Variants in ZNF454 observed in about 807,000 individuals in gnomAD.
The protein encoded by ZNF454 is zinc finger protein 454.
Under a neutral mutation model 48.2 loss-of-function variants are expected in ZNF454, and 30 were observed. The observed-to-expected ratio is 0.62, with a 90% confidence interval of 0.47 to 0.84. ZNF454 has a LOEUF of 0.84. Among genes scored for constraint, ZNF454 ranks in the 40% least tolerant of loss-of-function variants. ZNF454 has a pLI of 0.00. For missense variants in ZNF454, 510 were observed against 623.1 expected (o/e 0.82, Z 1.93); for synonymous variants, 204 against 211.4 (o/e 0.97, Z 0.30).
the ZNF454 span, chr5:178,983,167 A>G: frequency 1.2e-6 from 2 of 1,613,870 alleles, no homozygotes; most frequent in Non-Finnish European, 1.7e-6. Context: ...TGTTCCTCAT[A>G]GTCAATCACG....
the ZNF454 span, chr5:178,977,291 C>T: frequency 3.8e-5 from 13 of 342,538 alleles, no homozygotes; most frequent in Non-Finnish European, 6.8e-5. Context: ...GTAGAGCCCT[C>T]GGGAATGGGA....
chr5:178,968,041 C>G (rs1447245289), downstream of ZNF454, among the ~76,000 whole-genome samples: 1 of 151,486 alleles, frequency 6.6e-6, no homozygotes, highest in Non-Finnish European at 1.5e-5. Flanking sequence ...ACCCGGCCAC[C>G]TTCCCCGTCT....
Position 178,964,731 on chromosome 5 carries a change from A to T in ZNF454, c.327A>T (p.Thr109=), listed in dbSNP as rs1760089298. 6.2e-7 allele frequency: 1 copy of T among 1,614,118 alleles called. No individual in the cohort carries two copies. The highest frequency in any genetic ancestry group is 8.5e-7 in the Non-Finnish European group (1 of 1,180,044). The change falls in exon 5 of 5, where the codon ACA becomes ACT. Residue 109 remains threonine, a synonymous_variant. Transcript: ENST00000519564. ...CTGAAGAAGAATTGGATCAATGGAC[A>T]ATAAAGGAAAGATTCAGTAGCAGTA... ...EIPEEELDQW[T]IKERFSSSSH... is the part of the protein sequence containing the mutation.
At chr5:178,949,275 CTCGTG>C (rs1260506901) in intron 4 of ZNF454, among the ~76,000 whole-genome samples, 1 of 152,054 alleles carries the variant, frequency 6.6e-6, no homozygotes, top group Non-Finnish European at 1.5e-5. Context: ...TGTTCTCAAA[CTCGTG>C]ACCTCTGGTG....
the ZNF454 span, among the ~76,000 whole-genome samples, chr5:178,973,173 C>T: frequency 1.3e-5 from 2 of 151,274 alleles, no homozygotes; most frequent in Non-Finnish European, 2.9e-5. Flanking sequence ...CTTCCCTCCT[C>T]TCCCCTCCCA....
chr5:178,986,662 A>C, the ZNF454 span: 1 of 1,602,838 alleles, frequency 6.2e-7, no homozygotes, highest in Non-Finnish European at 8.5e-7. Flanking sequence ...GACGCCCTTC[A>C]CCATCTTCTT....
chr5:178,960,775 A>C (rs1004007413), intron 4 of ZNF454, among the ~76,000 whole-genome samples: 1 of 151,754 alleles, frequency 6.6e-6, no homozygotes, highest in African/African-American at 2.4e-5. Flanking sequence ...TGTTTTCTCC[A>C]ATACTGTGTG....
downstream of ZNF454, among the ~76,000 whole-genome samples, chr5:178,967,396 A>T (rs934694998): frequency 6.6e-6 from 1 of 152,190 alleles, no homozygotes; most frequent in African/African-American, 2.4e-5. Flanking sequence ...ATTAGAGTAC[A>T]TTTACTACTC....
chr5:178,989,935 T>C, the ZNF454 span: 1 of 215,094 alleles, frequency 4.6e-6, no homozygotes, highest in Non-Finnish European at 9.4e-6. Flanking sequence ...CCTCCTGTCT[T>C]GTGATGAGAT....
intron 4 of ZNF454, among the ~76,000 whole-genome samples, chr5:178,957,859 ACT>A (rs922792987): frequency 6.6e-6 from 1 of 152,050 alleles, no homozygotes; most frequent in Non-Finnish European, 1.5e-5. Context: ...CTCTTGGTAA[ACT>A]CTATTTGAAG....
downstream of ZNF454, chr5:178,969,512 C>G (rs957548878): frequency 4.4e-6 from 2 of 456,850 alleles, no homozygotes; most frequent in Non-Finnish European, 8.8e-6. Context: ...TGAAGGACCA[C>G]GATTTGGGAC....
chr5:178,942,475 G>A, intron 1 of ZNF454: 1 of 318,704 alleles, frequency 3.1e-6, no homozygotes, highest in Non-Finnish European at 5.7e-6. Flanking sequence ...CCAGAGGGTG[G>A]GTGGAAGGCA....
intron 4 of ZNF454, among the ~76,000 whole-genome samples, chr5:178,958,831 T>A (rs1403792013): frequency 6.6e-6 from 1 of 152,238 alleles, no homozygotes; most frequent in Non-Finnish European, 1.5e-5. Flanking sequence ...CCCTCTTTTT[T>A]AAAGTATCTA....
chr5:178,989,236 C>T, the ZNF454 span: 1 of 1,459,894 alleles, frequency 6.8e-7, no homozygotes, highest in Non-Finnish European at 9.6e-7. Context: ...CCCACCCTCC[C>T]CACCCTCACC....
the ZNF454 span, among the ~76,000 whole-genome samples, chr5:178,977,632 C>T: frequency 1.3e-5 from 2 of 151,348 alleles, no homozygotes; most frequent in Non-Finnish European, 2.9e-5. Flanking sequence ...TGCAATGGCA[C>T]GATCTCAACT....
At chr5:178,985,350 G>A in the ZNF454 span, 106 of 429,652 alleles carry the variant, frequency 2.5e-4, 2 homozygotes, top group South Asian at 1.5e-3. Flanking sequence ...GGGAGATGGC[G>A]GCCCTAACTG....
chr5:178,946,570 T>C lies in ZNF454; in HGVS notation c.160+85T>C, dbSNP rs1174722417. 4 of 1,498,528 alleles carry C rather than the reference T, an allele frequency of 2.7e-6. No individual in the cohort carries two copies. Among genetic ancestry groups the C allele is most frequent in the Non-Finnish European group, 2.7e-6 (3 of 1,121,944 alleles). The allele number at this position is 1,498,528 out of a possible 1,614,324, so 92.8% of individuals were successfully genotyped here. ...ATTGACACCATATAGAAGAGTCGGT[T>C]GGACCAACTGAGGACGCTGTCTTCA... On this transcript the variant is annotated intron_variant, in intron 3 of 4. Coordinates refer to ENST00000519564, the MANE Select transcript of ZNF454 (RefSeq NM_001178089.3). This position sits in a 1 kb window ranked among gnomAD's most constrained non-coding sequence, Gnocchi z 4.5.
intron 4 of ZNF454, chr5:178,948,163 C>T (rs950471620): frequency 6.6e-5 from 10 of 152,138 alleles, no homozygotes; most frequent in Non-Finnish European, 1.3e-4. Flanking sequence ...GATTCGCCCC[C>T]CTCAGCCTCC....
chr5:178,960,360 C>T (rs1017428336), intron 4 of ZNF454, among the ~76,000 whole-genome samples: 3 of 151,464 alleles, frequency 2.0e-5, no homozygotes, highest in Admixed American at 1.3e-4. Context: ...CCGGTTCAAG[C>T]GATTCTCCTG....
Sources: allele counts gnomAD v4.1 joint callset (sites outside exome capture counted in the v4.1 genomes callset), GRCh38; gene constraint gnomAD v4.1.1; non-coding constraint Gnocchi (gnomAD v3.1); transcripts MANE v1.5; gene names NCBI Gene and HGNC (gene_info 2026-07-23, HGNC 2026-07-21).